HK1: variants seen among roughly 807,000 people sequenced by gnomAD.
HK1 encodes hexokinase-1.
In HK1, 28 loss-of-function variants were observed where a neutral mutation model predicts 91.6. The ratio of observed to expected loss-of-function variants is 0.31; its 90% CI spans 0.23 to 0.42. The LOEUF (loss-of-function observed/expected upper bound fraction) is 0.42, where lower values mean the gene tolerates loss of function less well. HK1 is among the 10% of genes least tolerant of loss of function. The probability of loss-of-function intolerance (pLI) is 1.00; values close to 1 mark genes in which losing one functional copy is unlikely to be tolerated. For missense variants in HK1, 770 were observed against 1,219.8 expected, an observed-to-expected ratio of 0.63 and a Z score of 5.49; for synonymous variants, 430 against 468.1, an observed-to-expected ratio of 0.92 and a Z score of 1.05.
chr10:69,305,098 C>G (rs1474696621), intron 5 of HK1, among the ~76,000 whole-genome samples: 1 of 152,152 alleles, frequency 6.6e-6, no homozygotes, highest in Non-Finnish European at 1.5e-5. Flanking sequence ...GGCGTTCTCC[C>G]TGTGTGTCCC....
At chr10:69,358,755 C>G (rs1469920451) in intron 2 of HK1, among the ~76,000 whole-genome samples, 1 of 151,404 alleles carries the variant, frequency 6.6e-6, no homozygotes, top group Non-Finnish European at 1.5e-5. Context: ...CCCAGCTACT[C>G]GGGAAGCTGA....
intron 2 of HK1, among the ~76,000 whole-genome samples, chr10:69,351,343 A>G (rs1235467558): frequency 6.6e-6 from 1 of 151,396 alleles, no homozygotes; most frequent in Non-Finnish European, 1.5e-5. Flanking sequence ...CCTCGTCTCT[A>G]CTAAAAATAC....
rs560479017 is a variant in HK1 at position 69,358,674 on chromosome 10, C to T, written c.227-1223C>T. Among the ~76,000 whole-genome samples the T allele has an allele frequency of 2.2e-3, 299 of 135,116 alleles. 1 individual carries two copies. The highest frequency in any genetic ancestry group is 8.9e-3 in the African/African-American group (285 of 32,052). 88.6% of individuals were successfully genotyped at this position (135,116 alleles called of 152,430 possible). A position where few individuals can be genotyped will look rare whatever the true frequency, so the allele number is the denominator to read the frequency against. ...GTCAGGAGTTTGAGACCAGCCTGGC[C>T]GACATAGTGAAGCCCTGTCTCTACT... On this transcript the variant is annotated intron_variant, in intron 2 of 17. Coordinates refer to ENST00000359426, the MANE Select transcript of HK1 (RefSeq NM_000188.3).
intron 5 of HK1, among the ~76,000 whole-genome samples, chr10:69,309,695 G>T (rs1846270935): frequency 6.6e-6 from 1 of 151,164 alleles, no homozygotes; most frequent in Non-Finnish European, 1.5e-5. Context: ...CAGCTCCTCG[G>T]GAGGCTGAGG....
intron 9 of HK1, among the ~76,000 whole-genome samples, chr10:69,381,461 A>G (rs997741740): frequency 6.6e-5 from 10 of 152,060 alleles, no homozygotes; most frequent in African/African-American, 2.4e-4. Flanking sequence ...TTTTTGGACA[A>G]GAAAGCCTAG....
At position 69,398,670 on chromosome 10, in the gene HK1, C is replaced by T. The variant is rs778687904; in HGVS notation, c.2451C>T (p.Ile817=). ...TGAATAGCACCTGCGATGACAGTATCCTCGTCAAGACAGTGTGCGGGGTGG... is the reference window on the plus strand; with the variant it reads ...TGAATAGCACCTGCGATGACAGTATTCTCGTCAAGACAGTGTGCGGGGTGG... ...LGLNSTCDDS[I]LVKTVCGVVS... is the part of the protein sequence containing the mutation. The change falls in exon 17 of 18, where the codon ATC becomes ATT. Residue 817 remains isoleucine, a synonymous_variant. Coordinates refer to ENST00000359426, the MANE Select transcript of HK1 (RefSeq NM_000188.3). 9 of 1,614,082 alleles carry T rather than the reference C, an allele frequency of 5.6e-6. No homozygotes were observed. In the East Asian group the frequency reaches 1.3e-4, roughly 24 times the overall value.
chr10:69,383,111 A>G (rs1197370995), intron 10 of HK1, among the ~76,000 whole-genome samples: 1 of 152,082 alleles, frequency 6.6e-6, no homozygotes, highest in African/African-American at 2.4e-5. Flanking sequence ...CTGAGGTGGG[A>G]GGACTGCTTG....
rs1205110984 is a variant in HK1 at position 69,380,303 on chromosome 10, AC to A, written c.1265+210del. Among the ~76,000 whole-genome samples the A allele has an allele frequency of 6.6e-6, 1 of 152,134 alleles. No individual in the cohort carries two copies. The highest frequency in any genetic ancestry group is 1.5e-5 in the Non-Finnish European group (1 of 68,020). ...AGAACAGCCTGGGCAACATAGTAAG[AC>A]CTCATCTTTACGAAAAATTGAAAAT... is the stretch of plus-strand genomic sequence containing the variant. On this transcript the variant is annotated intron_variant, in intron 9 of 17. Transcript: ENST00000359426. The surrounding 1 kb of genome is among the most constrained non-coding windows in gnomAD (Gnocchi z 4.0).
chr10:69,386,675 G>A (rs1163503139), intron 13 of HK1: 4 of 368,984 alleles, frequency 1.1e-5, no homozygotes, highest in South Asian at 4.3e-5. Flanking sequence ...CCAGCTACTC[G>A]GGAGACTGAG....
intron 1 of HK1, among the ~76,000 whole-genome samples, chr10:69,271,928 A>C (rs1844191940): frequency 6.6e-6 from 1 of 151,996 alleles, no homozygotes; most frequent in African/African-American, 2.4e-5. Flanking sequence ...TAGTGGCACA[A>C]TCTCAGCTCA....
intron 2 of HK1, among the ~76,000 whole-genome samples, chr10:69,286,809 A>G (rs1402987297): frequency 6.6e-6 from 1 of 152,172 alleles, no homozygotes; most frequent in Middle Eastern, 3.4e-3. Flanking sequence ...CGGCCTCCCA[A>G]CGTGCTGGGA....
intron 1 of HK1, among the ~76,000 whole-genome samples, chr10:69,336,418 C>T (rs1290868586): frequency 2.0e-5 from 3 of 151,114 alleles, no homozygotes; most frequent in Non-Finnish European, 4.4e-5. Flanking sequence ...CTTGAACTCC[C>T]GATCTCAGGT....
At chr10:69,365,693 TC>T (rs1380205448) in intron 4 of HK1, among the ~76,000 whole-genome samples, 1 of 152,062 alleles carries the variant, frequency 6.6e-6, no homozygotes, top group Non-Finnish European at 1.5e-5. Context: ...GCCTGGGCAA[TC>T]TGTACAAAAA....
chr10:69,326,563 C>G (rs561423805), intron 1 of HK1, among the ~76,000 whole-genome samples: 2 of 152,258 alleles, frequency 1.3e-5, no homozygotes, highest in South Asian at 4.1e-4. Context: ...AAAAACCTGT[C>G]CTTGTTGATT....
chr10:69,290,396 C>G (rs1454228254), intron 3 of HK1, among the ~76,000 whole-genome samples: 1 of 152,198 alleles, frequency 6.6e-6, no homozygotes, highest in African/African-American at 2.4e-5. Flanking sequence ...CTCAGTCCTA[C>G]AAGAGTAGCT....
chr10:69,394,831 A>G, intron 15 of HK1, 119 bp from the exon 16 acceptor site: 2 of 979,996 alleles, frequency 2.0e-6, no homozygotes, highest in South Asian at 1.3e-5. Context: ...GGCTGGGCAC[A>G]TGGCTGTTGA....
In HK1 at chr10:69,392,174, G is replaced by A; in HGVS notation, c.2085G>A (p.Met695Ile). ...CYMEEMKNVE[M>I]VEGDQGQMCI... ...TGGAGGAGATGAAGAACGTGGAGAT[G>A]GTGGAGGGGGACCAGGGGCAGATGT... is the stretch of plus-strand genomic sequence containing the variant. The change falls in exon 15 of 18, where the codon ATG becomes ATA. Residue 695 changes from methionine (M) to isoleucine (I), a missense_variant. Met to Ile is a conservative substitution (Grantham distance 10). Coordinates refer to ENST00000359426, the MANE Select transcript of HK1 (RefSeq NM_000188.3). 1 of 1,614,234 alleles carries A rather than the reference G, an allele frequency of 6.2e-7. No individual in the cohort carries two copies. Among genetic ancestry groups the A allele is most frequent in the Non-Finnish European group, 8.5e-7 (1 of 1,180,046 alleles).
chr10:69,306,221 T>G (rs10823338), intron 5 of HK1, among the ~76,000 whole-genome samples: 47,858 of 151,656 alleles, frequency 0.32, 8,294 homozygotes, highest in East Asian at 0.71. Context: ...AGCCACGCAT[T>G]GTGGCGGGCA....
chr10:69,319,889 C>T (rs573572644), intron 1 of HK1, among the ~76,000 whole-genome samples: 2 of 150,190 alleles, frequency 1.3e-5, no homozygotes, highest in Non-Finnish European at 3.0e-5. Context: ...TAGGGAAAGA[C>T]GCCCGTTTTA....
Sources: allele counts gnomAD v4.1 joint callset (sites outside exome capture counted in the v4.1 genomes callset), GRCh38; gene constraint gnomAD v4.1.1; non-coding constraint Gnocchi (gnomAD v3.1); transcripts MANE v1.5; gene names NCBI Gene and HGNC (gene_info 2026-07-23, HGNC 2026-07-21).